Variants in KIAA1217 observed in about 807,000 individuals in gnomAD.
KIAA1217 encodes the protein KIAA1217.
In KIAA1217, 88 loss-of-function variants were observed where a neutral mutation model predicts 163.9. That is an observed-to-expected ratio of 0.54 (90% CI 0.45 to 0.64). The LOEUF (loss-of-function observed/expected upper bound fraction) is 0.64, where lower values mean the gene tolerates loss of function less well. KIAA1217 is among the 30% of genes least tolerant of loss of function. The pLI, the probability that KIAA1217 is intolerant of heterozygous loss-of-function variation, is 0.00. For synonymous variants in KIAA1217, 903 were observed against 923.1 expected (o/e 0.98, Z 0.39); for missense variants, 2,372 against 2,475.0 (o/e 0.96, Z 0.88).
At chr10:24,324,778 A>G (rs1019316722) in intron 2 of KIAA1217, among the ~76,000 whole-genome samples, 1 of 152,030 alleles carries the variant, frequency 6.6e-6, no homozygotes, top group African/African-American at 2.4e-5. Flanking sequence ...TGATGTTAAT[A>G]CTTGTCTGTG....
At chr10:24,341,553 C>T (rs937628007) in intron 2 of KIAA1217, among the ~76,000 whole-genome samples, 1 of 152,124 alleles carries the variant, frequency 6.6e-6, no homozygotes, top group Non-Finnish European at 1.5e-5. Context: ...CCCAACATTC[C>T]TTGGAAAATT....
intron 1 of KIAA1217, among the ~76,000 whole-genome samples, chr10:23,740,365 ATTGT>A (rs1486946004): frequency 1.3e-5 from 2 of 151,970 alleles, no homozygotes; most frequent in African/African-American, 2.4e-5. Flanking sequence ...CACGTATTAG[ATTGT>A]TTTAGTTTTT....
chr10:23,976,933 T>C (rs1212083015), intron 1 of KIAA1217, among the ~76,000 whole-genome samples: 1 of 152,202 alleles, frequency 6.6e-6, no homozygotes, highest in Non-Finnish European at 1.5e-5. Flanking sequence ...AGCAAAGTCA[T>C]TTGCAGTCAG....
At chr10:23,752,552 G>C (rs577758503) in intron 1 of KIAA1217, among the ~76,000 whole-genome samples, 1 of 152,196 alleles carries the variant, frequency 6.6e-6, no homozygotes, top group Admixed American at 6.5e-5. Context: ...CACATATAAC[G>C]TTCATTTTTA....
chr10:24,505,428 C>T (rs2068208802), intron 9 of KIAA1217, among the ~76,000 whole-genome samples: 2 of 151,864 alleles, frequency 1.3e-5, no homozygotes, highest in Non-Finnish European at 2.9e-5. Context: ...TTGCCTGTTA[C>T]CTTTCCTGAT....
intron 5 of KIAA1217, chr10:24,449,735 TAGA>T: frequency 1.0e-6 from 1 of 985,374 alleles, no homozygotes; most frequent in Non-Finnish European, 1.2e-6. Context: ...AAGTTTCTTC[TAGA>T]AAAGAAAGGC....
intron 3 of KIAA1217, among the ~76,000 whole-genome samples, chr10:24,384,351 A>C (rs1358559089): frequency 6.6e-6 from 1 of 152,182 alleles, no homozygotes; most frequent in Non-Finnish European, 1.5e-5. Context: ...CAGAAAGTAC[A>C]GACAGTTCCC....
chr10:23,781,879 A>G (rs1205385249), intron 1 of KIAA1217, among the ~76,000 whole-genome samples: 1 of 152,102 alleles, frequency 6.6e-6, no homozygotes, highest in Non-Finnish European at 1.5e-5. Context: ...TGTTGACTAT[A>G]TATGCACGGG....
At chr10:23,900,040 T>C (rs1357835856) in intron 1 of KIAA1217, among the ~76,000 whole-genome samples, 1 of 151,262 alleles carries the variant, frequency 6.6e-6, no homozygotes, top group Non-Finnish European at 1.5e-5. Flanking sequence ...GGAGTCTCAC[T>C]CTGTTGCCCA....
intron 2 of KIAA1217, among the ~76,000 whole-genome samples, chr10:24,337,999 A>G (rs1361492868): frequency 6.6e-6 from 1 of 152,174 alleles, no homozygotes; most frequent in Non-Finnish European, 1.5e-5. Context: ...TCAGCAGTAC[A>G]TGGGACATTG....
At chr10:24,452,616 A>T (rs1165834176) in intron 5 of KIAA1217, among the ~76,000 whole-genome samples, 1 of 148,262 alleles carries the variant, frequency 6.7e-6, no homozygotes, top group African/African-American at 2.5e-5. Flanking sequence ...CGGGAGTTTG[A>T]GCTTGCAGTG....
In KIAA1217 at chr10:24,120,586, A is replaced by G. The variant is rs145642099; in HGVS notation, c.-170-99040A>G. 7.9e-5 allele frequency among the ~76,000 whole-genome samples: 12 copies of G among 152,330 alleles called. No individual in the cohort carries two copies. In the East Asian group the frequency reaches 2.3e-3, roughly 29 times the overall value. The stretch of plus-strand genomic sequence containing the variant: ...CCACCTTTACAAAAGGGAGCCATGA[A>G]GACTAGGAGTTTTCCTACCTCGCAC... On this transcript the variant is annotated intron_variant, in intron 2 of 18. Transcript: ENST00000376462.
At chr10:24,035,774 T>C (rs1242801892) in intron 2 of KIAA1217, among the ~76,000 whole-genome samples, 1 of 152,200 alleles carries the variant, frequency 6.6e-6, no homozygotes, top group East Asian at 1.9e-4. Context: ...AAGAAAGAAC[T>C]AGTAAACATG....
intron 1 of KIAA1217, among the ~76,000 whole-genome samples, chr10:23,900,408 A>G (rs1841908991): frequency 1.3e-5 from 2 of 152,020 alleles, no homozygotes; most frequent in African/African-American, 4.8e-5. Context: ...TGTTTTGGAT[A>G]TTTGTGAGGG....
chr10:23,814,149 C>G (rs555048770), intron 1 of KIAA1217, among the ~76,000 whole-genome samples: 1 of 152,186 alleles, frequency 6.6e-6, no homozygotes, highest in African/African-American at 2.4e-5. Flanking sequence ...GGCTTCTGAG[C>G]TGGTGTTTTA....
In KIAA1217 at chr10:23,868,005, T is replaced by C. The variant is rs182893018; in HGVS notation, c.-320-139220T>C. On this transcript the variant is annotated intron_variant, in intron 1 of 18. Transcript: ENST00000376462. ...TTTAGGTCTAATGTTTAAGTTTTAA[T>C]CCATCTTGAATTAATTTTTGTATAA... Among the ~76,000 whole-genome samples the C allele has an allele frequency of 2.5e-3, 376 of 152,262 alleles. 1 individual carries two copies. The highest frequency in any genetic ancestry group is 3.2e-3 in the Non-Finnish European group (219 of 68,026).
At chr10:24,206,005 T>C (rs1376448315), upstream of KIAA1217, among the ~76,000 whole-genome samples, 1 of 152,210 alleles carries the variant, frequency 6.6e-6, no homozygotes, top group Non-Finnish European at 1.5e-5. Context: ...TTTACAGCAC[T>C]CTTTTATCTC....
At chr10:24,203,531 T>C (rs1203177271) in intron 2 of KIAA1217, among the ~76,000 whole-genome samples, 1 of 151,906 alleles carries the variant, frequency 6.6e-6, no homozygotes, top group Non-Finnish European at 1.5e-5. Context: ...CTTGATTGGT[T>C]CCCCTTCCTT....
intron 1 of KIAA1217, among the ~76,000 whole-genome samples, chr10:24,006,137 A>AGTTC (rs1342412842): frequency 6.6e-6 from 1 of 152,240 alleles, no homozygotes; most frequent in Admixed American, 6.5e-5. Flanking sequence ...TCAGCACAAG[A>AGTTC]AATAATTTAA....
Sources: gnomAD v4.1 joint callset for allele counts (sites outside exome capture counted in the v4.1 genomes callset) on GRCh38, gnomAD v4.1.1 for gene constraint, MANE v1.5 for transcripts, NCBI Gene and HGNC (gene_info 2026-07-23, HGNC 2026-07-21) for gene names.